The following SLX4 variants were observed in gnomAD, a reference collection of about 807,000 sequenced individuals.
The protein encoded by SLX4 is structure-specific endonuclease subunit SLX4.
In SLX4, 112 loss-of-function variants were observed where a neutral mutation model predicts 146.2. The observed-to-expected ratio is 0.77, with a 90% confidence interval of 0.66 to 0.90. SLX4 has a LOEUF of 0.90. SLX4 is among the 40% of genes least tolerant of loss of function. SLX4 has a pLI of 0.00. For synonymous variants in SLX4, 1,061 were observed against 997.7 expected (o/e 1.06, Z -1.20); for missense variants, 2,563 against 2,392.7 (o/e 1.07, Z -1.49).
At chr16:3,585,353 G>A (rs1013106572) in intron 12 of SLX4, among the ~76,000 whole-genome samples, 8 of 152,130 alleles carry the variant, frequency 5.3e-5, no homozygotes, top group South Asian at 2.1e-4. Flanking sequence ...TTGGGAGGCC[G>A]AGGTGGGCGG....
chr16:3,583,099 CTG>C lies in SLX4; in HGVS notation c.5149_5150del (p.Gln1717GlufsTer6). On this transcript the variant is annotated frameshift_variant, in exon 14 of 15. Coordinates refer to ENST00000294008, the MANE Select transcript of SLX4 (RefSeq NM_032444.4). LOFTEE classifies it low-confidence loss of function (END_TRUNC). ...CCCCATCGCATCCATCCGGTTACCT[CTG>C]TGAGCTCAAGGAGCTGTCACTGCCA... The part of the protein sequence containing the change: ...VDGSDSSLSS[Q>X]SSSSCEFGAA... The C allele has an allele frequency of 3.1e-6, 5 of 1,614,258 alleles. No individual in the cohort carries two copies. The highest frequency in any genetic ancestry group is 2.5e-6 in the Non-Finnish European group (3 of 1,180,052).
At chr16:3,607,092 A>T (rs575891343) in intron 2 of SLX4, among the ~76,000 whole-genome samples, 2 of 152,332 alleles carry the variant, frequency 1.3e-5, no homozygotes, top group Non-Finnish European at 2.9e-5. Flanking sequence ...AGAAATATTA[A>T]TGACAAAGGT....
rs368848191 is a variant in SLX4 at position 3,582,465 on chromosome 16, C to G, written c.5382G>C (p.Ser1794=). The G allele has an allele frequency of 1.9e-6, 3 of 1,614,000 alleles. No homozygotes were observed. Among genetic ancestry groups the G allele is most frequent in the Non-Finnish European group, 2.5e-6 (3 of 1,180,032 alleles). Residue 1794 remains serine (S), a synonymous_variant, in exon 15 of 15, where the codon TCG becomes TCC. Transcript: ENST00000294008. The stretch of plus-strand genomic sequence containing the variant: ...TGTCCAGGAAGTCCAACAGCCTGCG[C>G]GAGGACACACGGAGGCCGTTCTGCC... ...ELRQNGLRVS[S]RRLLDFLDTH...
At chr16:3,582,766 G>A (rs2040455515) in intron 14 of SLX4, 73 bp from the exon 15 acceptor site, 1 of 1,384,354 alleles carries the variant, frequency 7.2e-7, no homozygotes. Flanking sequence ...CCTCTTTAAA[G>A]GAAGGAAGGT....
In SLX4 at chr16:3,606,606, G is replaced by A. The variant is rs772125734; in HGVS notation, c.628C>T (p.Leu210=). 11 of 1,614,202 alleles carry A rather than the reference G, an allele frequency of 6.8e-6. No homozygotes were observed. Among genetic ancestry groups the A allele is most frequent in the Middle Eastern group, 1.6e-4 (1 of 6,062 alleles). Residue 210 remains leucine, a synonymous_variant, in exon 3 of 15, where the codon CTA becomes TTA. Transcript: ENST00000294008. ...CTCTTGAACTGCTGCATTCGCTGTA[G>A]GACCAATTGTGCTGTGCGGGGTTTG... The part of the protein sequence containing the change: ...PSKPRTAQLV[L]QRMQQFKRAD...
In SLX4 at chr16:3,597,371, G is replaced by A; in HGVS notation, c.1683+8C>T. 1 of 1,544,032 alleles carries A rather than the reference G, an allele frequency of 6.5e-7. No homozygotes were observed. Among genetic ancestry groups the A allele is most frequent in the Non-Finnish European group, 8.7e-7 (1 of 1,142,904 alleles). ...AGCCTATCCATGTGCCTGAGGGGAGGGACTCACCTGGGCAGGCCGCTGGGG... is the reference window on the plus strand; with the variant it reads ...AGCCTATCCATGTGCCTGAGGGGAGAGACTCACCTGGGCAGGCCGCTGGGG... On this transcript the variant is annotated splice_region_variant and intron_variant, in intron 7 of 14. Coordinates refer to ENST00000294008, the MANE Select transcript of SLX4 (RefSeq NM_032444.4). The surrounding 1 kb of genome is among the most constrained non-coding windows in gnomAD (Gnocchi z 4.4).
In SLX4 at chr16:3,589,047, G is replaced by A; in HGVS notation, c.4591C>T (p.Pro1531Ser). 1.2e-6 allele frequency: 2 copies of A among 1,614,122 alleles called. No homozygotes were observed. Among genetic ancestry groups the A allele is most frequent in the Non-Finnish European group, 1.7e-6 (2 of 1,180,032 alleles). ...PPETPPPAQM[P>S]SAGGAQKPEG... ...GGCTTCTGAGCTCCACCAGCGCTTG[G>A]CATCTGGGCCGGAGGAGGGGTCTCT... The change falls in exon 12 of 15, where the codon CCA (proline) becomes TCA (serine). Residue 1531 changes from proline (P) to serine (S), a missense_variant. Transcript: ENST00000294008. This position sits in a 1 kb window ranked among gnomAD's most constrained non-coding sequence, Gnocchi z 6.2.
chr16:3,585,410 C>A (rs1375893041), intron 12 of SLX4, among the ~76,000 whole-genome samples: 2 of 151,982 alleles, frequency 1.3e-5, no homozygotes, highest in Non-Finnish European at 2.9e-5. Flanking sequence ...CACGGTGAAA[C>A]CCCGTCTCTA....
At chr16:3,586,359 TAA>T (rs71133646) in intron 12 of SLX4, among the ~76,000 whole-genome samples, 2 of 146,686 alleles carry the variant, frequency 1.4e-5, no homozygotes, top group African/African-American at 2.5e-5. Flanking sequence ...CAGTCTCTAC[TAA>T]AAAAAAAAAA....
chr16:3,584,724 G>T, intron 13 of SLX4, 45 bp downstream of exon 13: 2 of 1,440,560 alleles, frequency 1.4e-6, no homozygotes, highest in Non-Finnish European at 9.8e-7. Context: ...TTACTTATGG[G>T]AGGGAAAAGA....
chr16:3,597,702 A>G lies in SLX4; in HGVS notation c.1367-7T>C, dbSNP rs2040679730. ...TTCTTGCGACTTTTATTCTCTAGAG[A>G]GAAACAAAAGCGACACCATCAACGG... On this transcript the variant is annotated splice_polypyrimidine_tract_variant and splice_region_variant and intron_variant, in intron 6 of 14. Transcript: ENST00000294008. This position sits in a 1 kb window ranked among gnomAD's most constrained non-coding sequence, Gnocchi z 4.4. 6.2e-7 allele frequency: 1 copy of G among 1,613,930 alleles called. No homozygotes were observed. The highest frequency in any genetic ancestry group is 8.5e-7 in the Non-Finnish European group (1 of 1,180,014).
At chr16:3,606,390 C>G (rs961341952) in intron 3 of SLX4, 84 bp downstream of exon 3, 7 of 1,476,590 alleles carry the variant, frequency 4.7e-6, no homozygotes, top group South Asian at 1.1e-5. Context: ...AGAAACTCAA[C>G]AAATGCTGAT....
In SLX4 at chr16:3,590,925, C is replaced by T. The variant is rs760979782; in HGVS notation, c.2713G>A (p.Glu905Lys). 1.9e-6 allele frequency: 3 copies of T among 1,614,182 alleles called. No homozygotes were observed. Among genetic ancestry groups the T allele is most frequent in the South Asian group, 2.2e-5 (2 of 91,082 alleles). Residue 905 changes from glutamate to lysine, a missense_variant, in exon 12 of 15, where the codon GAG (glutamate) becomes AAG (lysine). Coordinates refer to ENST00000294008, the MANE Select transcript of SLX4 (RefSeq NM_032444.4). This position sits in a 1 kb window ranked among gnomAD's most constrained non-coding sequence, Gnocchi z 4.8. ...QVQKQWDKVE[E>K]MEPLEPGRDE... is the part of the protein sequence containing the mutation. ...CTTCCTGGCTCCAACGGCTCCATCT[C>T]CTCCACCTTGTCCCACTGTTTCTGC...
intron 9 of SLX4, 77 bp from the exon 10 acceptor site, chr16:3,594,676 T>C (rs1596525357): frequency 1.9e-6 from 3 of 1,601,374 alleles, no homozygotes; most frequent in Admixed American, 1.7e-5. Context: ...GCTCCCCGCA[T>C]GGAGGTGGCG....
chr16:3,602,044 C>T (rs776318352), intron 4 of SLX4, 74 bp downstream of exon 4: 17 of 1,572,022 alleles, frequency 1.1e-5, no homozygotes, highest in South Asian at 4.5e-5. Flanking sequence ...TGTGGAGATC[C>T]GCACTCCAGC....
intron 13 of SLX4, among the ~76,000 whole-genome samples, chr16:3,583,980 C>A (rs1277998955): frequency 1.3e-5 from 2 of 151,690 alleles, no homozygotes; most frequent in Non-Finnish European, 2.9e-5. Flanking sequence ...GCCTGGGCAA[C>A]AGAGTGAGAT....
rs1218169126 is a variant in SLX4, at chr16:3,601,048, TG to T, written c.1093del (p.Gln365SerfsTer32). 10 of 1,613,890 alleles carry T rather than the reference TG, an allele frequency of 6.2e-6. No individual in the cohort carries two copies. Among genetic ancestry groups the T allele is most frequent in the Non-Finnish European group, 7.6e-6 (9 of 1,180,016 alleles). On this transcript the variant is annotated frameshift_variant, in exon 5 of 15. Transcript: ENST00000294008. LOFTEE classifies it high-confidence loss of function. Reference protein sequence around the residue: ...QCAVKMEVGPQLLLQAVRLQT... With the variant: ...QCAVKMEVGPXLLLQAVRLQT... Reference sequence around the variant, plus strand: ...CAGCCGCACAGCCTGAAGCAGGAGCTGGGGGCCAACCTCCATCTTCACAGCA... The same window carrying T: ...CAGCCGCACAGCCTGAAGCAGGAGCTGGGGCCAACCTCCATCTTCACAGCA...
rs2040588692 is a variant in SLX4 at position 3,591,142 on chromosome 16, A to G, written c.2496T>C (p.Thr832=). 1 of 1,614,052 alleles carries G rather than the reference A, an allele frequency of 6.2e-7. No homozygotes were observed. Among genetic ancestry groups the G allele is most frequent in the African/African-American group, 1.3e-5 (1 of 74,926 alleles). The change falls in exon 12 of 15, where the codon ACT becomes ACC. Residue 832 remains threonine, a synonymous_variant. Coordinates refer to ENST00000294008, the MANE Select transcript of SLX4 (RefSeq NM_032444.4). ...MWADEEEEAE[T]LLKSKDHEED... ...CTTCGTGGTCCTTGGATTTCAACAA[A>G]GTCTCCGCTTCCTCCTCTTCATCTG... is the stretch of plus-strand genomic sequence containing the variant.
In SLX4 at chr16:3,582,110, G is replaced by C; in HGVS notation, c.*232C>G. Reference sequence around the variant, plus strand: ...AGCACGGACAGAGGAAGGGGCTGGAGTCTGTAAATCCAGTGGGTGACATGC... The same window carrying C: ...AGCACGGACAGAGGAAGGGGCTGGACTCTGTAAATCCAGTGGGTGACATGC... On this transcript the variant is annotated 3_prime_UTR_variant, in exon 15 of 15. Coordinates refer to ENST00000294008, the MANE Select transcript of SLX4 (RefSeq NM_032444.4). The C allele has an allele frequency of 3.4e-6, 2 of 594,136 alleles. No individual in the cohort carries two copies. The highest frequency in any genetic ancestry group is 6.0e-6 in the Non-Finnish European group (2 of 333,472). The allele number at this position is 594,136 out of a possible 1,614,324, so 36.8% of individuals were successfully genotyped here.
Sources: allele counts gnomAD v4.1 joint callset (sites outside exome capture counted in the v4.1 genomes callset), GRCh38; gene constraint gnomAD v4.1.1; non-coding constraint Gnocchi (gnomAD v3.1); transcripts MANE v1.5; gene names NCBI Gene and HGNC (gene_info 2026-07-23, HGNC 2026-07-21).